Variants in STK32A observed in about 807,000 individuals in gnomAD.
The protein encoded by STK32A is serine/threonine kinase 32A.
Under a neutral mutation model 53.2 loss-of-function variants are expected in STK32A, and 41 were observed. The ratio of observed to expected loss-of-function variants is 0.77; its 90% CI spans 0.60 to 1.00. The LOEUF (loss-of-function observed/expected upper bound fraction) is 1.00. Ranked by LOEUF, STK32A falls within the 50% of genes least tolerant of loss-of-function variation. The probability of loss-of-function intolerance (pLI) is 0.00; values close to 1 mark genes in which losing one functional copy is unlikely to be tolerated. For missense variants in STK32A, 458 were observed against 485.8 expected (o/e 0.94, Z 0.54); for synonymous variants, 166 against 162.8 (o/e 1.02, Z -0.15).
intron 11 of STK32A, chr5:147,382,862 C>T (rs1209920459): frequency 3.3e-5 from 5 of 152,498 alleles, no homozygotes; most frequent in African/African-American, 9.6e-5. Flanking sequence ...TCACTTCAGC[C>T]TGAGGGAGAG....
intron 6 of STK32A, among the ~76,000 whole-genome samples, chr5:147,350,640 T>A (rs1561740061): frequency 6.6e-6 from 1 of 152,126 alleles, no homozygotes; most frequent in African/African-American, 2.4e-5. Context: ...AGTGCTAGGA[T>A]TACAGGGGTG....
At chr5:147,334,554 G>C (rs1755024297) in intron 5 of STK32A, among the ~76,000 whole-genome samples, 1 of 152,154 alleles carries the variant, frequency 6.6e-6, no homozygotes, top group Non-Finnish European at 1.5e-5. Flanking sequence ...CATCAGATTT[G>C]TGTGCCACTG....
At chr5:147,398,874 G>C in the STK32A span, among the ~76,000 whole-genome samples, 1 of 152,346 alleles carries the variant, frequency 6.6e-6, no homozygotes, top group East Asian at 1.9e-4. Flanking sequence ...CTCTGTCCCT[G>C]AGTGACTGGA....
chr5:147,387,042 A>T lies in STK32A; in HGVS notation c.*3059A>T, dbSNP rs1314182172. 2 of 152,190 alleles carry T rather than the reference A, an allele frequency of 1.3e-5. No individual in the cohort carries two copies. Among genetic ancestry groups the T allele is most frequent in the Non-Finnish European group, 2.9e-5 (2 of 68,044 alleles). The allele number at this position is 152,190 out of a possible 1,614,324, so 9.4% of individuals were successfully genotyped here. On this transcript the variant is annotated 3_prime_UTR_variant, in exon 13 of 13. Coordinates refer to ENST00000397936, the MANE Select transcript of STK32A (RefSeq NM_001112724.2). ...TGACTATTAAATCCTTTGGCCTGGT[A>T]TTCTTGAATGTTTTTCTCCCAGTGC...
intron 10 of STK32A, among the ~76,000 whole-genome samples, chr5:147,373,947 G>T (rs1757116880): frequency 6.6e-6 from 1 of 152,132 alleles, no homozygotes; most frequent in South Asian, 2.1e-4. Flanking sequence ...ATGTTCAGTT[G>T]TAGGTATATT....
At chr5:147,260,194 T>A (rs1754470743) in intron 2 of STK32A, among the ~76,000 whole-genome samples, 1 of 60,990 alleles carries the variant, frequency 1.6e-5, no homozygotes. Context: ...CTCTCTCCTC[T>A]CTCTCTCCTC....
intron 2 of STK32A, among the ~76,000 whole-genome samples, chr5:147,276,806 A>G (rs1426366807): frequency 6.6e-6 from 1 of 152,222 alleles, no homozygotes; most frequent in African/African-American, 2.4e-5. Context: ...CTTTCTTAGT[A>G]CAAGGTGTTT....
intron 8 of STK32A, among the ~76,000 whole-genome samples, chr5:147,364,533 G>A (rs1004457190): frequency 6.6e-6 from 1 of 152,156 alleles, no homozygotes; most frequent in African/African-American, 2.4e-5. Context: ...ATTTTAGTCT[G>A]CAATATCTGC....
At chr5:147,381,283 GT>G (rs1252777757) in intron 11 of STK32A, among the ~76,000 whole-genome samples, 2 of 152,106 alleles carry the variant, frequency 1.3e-5, no homozygotes, top group African/African-American at 4.8e-5. Flanking sequence ...ATCTTATGAT[GT>G]ACTTGACAAA....
intron 6 of STK32A, chr5:147,348,955 G>A (rs1044282734): frequency 2.1e-6 from 1 of 476,680 alleles, no homozygotes; most frequent in African/African-American, 2.0e-5. Context: ...AACACAGCTA[G>A]TTAGTGGTAG....
At chr5:147,254,779 G>C (rs1242651584) in intron 2 of STK32A, among the ~76,000 whole-genome samples, 1 of 152,190 alleles carries the variant, frequency 6.6e-6, no homozygotes, top group Non-Finnish European at 1.5e-5. Flanking sequence ...TTAGGGTGGA[G>C]CAGGTGATCT....
At chr5:147,370,810 G>A (rs776831665) in intron 9 of STK32A, 40 bp downstream of exon 9, 678 of 1,326,590 alleles carry the variant, frequency 5.1e-4, no homozygotes, top group Middle Eastern at 2.0e-3. Flanking sequence ...AGTAACAAAA[G>A]GAAGCAGGCT....
intron 5 of STK32A, among the ~76,000 whole-genome samples, chr5:147,326,315 T>G (rs1231612412): frequency 6.6e-6 from 1 of 152,212 alleles, no homozygotes; most frequent in Non-Finnish European, 1.5e-5. Flanking sequence ...CTTTTTGTAC[T>G]GAAATGTCTC....
intron 1 of STK32A, among the ~76,000 whole-genome samples, chr5:147,237,451 AACTCACAATAAAAC>A (rs920276960): frequency 1.3e-5 from 2 of 152,164 alleles, no homozygotes; most frequent in African/African-American, 4.8e-5. Flanking sequence ...GCTTCTCCCT[AACTCACAATAAAAC>A]ACTCACAATA....
chr5:147,275,703 G>A (rs1281499475), intron 2 of STK32A, among the ~76,000 whole-genome samples: 1 of 152,084 alleles, frequency 6.6e-6, no homozygotes, highest in African/African-American at 2.4e-5. Flanking sequence ...CAGACAGTAC[G>A]GCACTAGACT....
At chr5:147,337,467 G>A (rs115398366) in intron 5 of STK32A, among the ~76,000 whole-genome samples, 2,505 of 152,208 alleles carry the variant, frequency 0.016, 43 homozygotes, top group Non-Finnish European at 0.022. Flanking sequence ...TTGTTTTGGG[G>A]GTGGGGATTG....
At position 147,279,485 on chromosome 5, in the gene STK32A, C is replaced by A. The variant is rs1441639991; in HGVS notation, c.260+87C>A. 3.1e-5 allele frequency: 38 copies of A among 1,216,184 alleles called. No individual in the cohort carries two copies. In the South Asian group the frequency reaches 5.1e-4, roughly 16 times the overall value. 75.3% of individuals were successfully genotyped at this position (1,216,184 alleles called of 1,614,324 possible). A position where few individuals can be genotyped will look rare whatever the true frequency, so the allele number is the denominator to read the frequency against. Reference sequence around the variant, plus strand: ...TCCCCAAATGCCTCTGGGACCTCAGCCCTGGCTGGTATCCAGGCTCTTGAC... The same window carrying A: ...TCCCCAAATGCCTCTGGGACCTCAGACCTGGCTGGTATCCAGGCTCTTGAC... On this transcript the variant is annotated intron_variant, in intron 4 of 12. Transcript: ENST00000397936.
chr5:147,294,336 G>A (rs993531495), intron 4 of STK32A, among the ~76,000 whole-genome samples: 10 of 151,850 alleles, frequency 6.6e-5, no homozygotes, highest in African/African-American at 2.4e-4. Flanking sequence ...ATCTCGGCTC[G>A]CTGCAACCTC....
At chr5:147,368,778 T>C (rs1756883369) in intron 8 of STK32A, among the ~76,000 whole-genome samples, 1 of 152,144 alleles carries the variant, frequency 6.6e-6, no homozygotes, top group African/African-American at 2.4e-5. Context: ...TATGGCCTTG[T>C]AAAGTAACTA....
Sources: gnomAD v4.1 joint callset for allele counts (sites outside exome capture counted in the v4.1 genomes callset) on GRCh38, gnomAD v4.1.1 for gene constraint, MANE v1.5 for transcripts, NCBI Gene and HGNC (gene_info 2026-07-23, HGNC 2026-07-21) for gene names.